Variants in CD1A observed in about 807,000 individuals in gnomAD.
CD1A encodes T-cell surface glycoprotein CD1a.
A neutral mutation model predicts 38.3 loss-of-function variants in CD1A; 50 were observed. The observed-to-expected ratio is 1.30, with a 90% CI of 1.04 to 1.65. The LOEUF (loss-of-function observed/expected upper bound fraction) is 1.65. CD1A is among the 40% of genes most tolerant of loss of function. The pLI is 0.00. For missense variants in CD1A, 459 were observed against 406.1 expected (o/e 1.13, Z -1.12); for synonymous variants, 160 against 150.8 (o/e 1.06, Z -0.45).
intron 3 of CD1A, among the ~76,000 whole-genome samples, chr1:158,256,487 A>C (rs958558226): frequency 4.6e-5 from 7 of 152,116 alleles, no homozygotes; most frequent in African/African-American, 1.7e-4. Flanking sequence ...TGAGCAACAG[A>C]GTGAGACCAG....
upstream of CD1A, among the ~76,000 whole-genome samples, chr1:158,253,858 T>C (rs1650148483): frequency 6.6e-6 from 1 of 152,062 alleles, no homozygotes; most frequent in Non-Finnish European, 1.5e-5. Context: ...TCTCCCTAAG[T>C]AGAGAAAAAG....
At chr1:158,254,978 G>C in intron 1 of CD1A, 106 bp from the exon 2 acceptor site, 3 of 1,150,732 alleles carry the variant, frequency 2.6e-6, no homozygotes, top group Non-Finnish European at 3.8e-6. Context: ...AGATCATGAT[G>C]GATCCCCTTT....
chr1:158,257,172 G>T (rs1468971371), intron 4 of CD1A, 108 bp downstream of exon 4: 2 of 1,349,544 alleles, frequency 1.5e-6, no homozygotes, highest in Non-Finnish European at 2.0e-6. Context: ...GCCCAAACAT[G>T]AATAAAAATA....
chr1:158,254,177 G>C, upstream of CD1A: 1 of 996,366 alleles, frequency 1.0e-6, no homozygotes, highest in Non-Finnish European at 1.2e-6. Flanking sequence ...ATAAATCAAT[G>C]TTAAATCAGA....
At chr1:158,257,166 A>C (rs1056115025) in intron 4 of CD1A, 102 bp downstream of exon 4, 20 of 1,374,356 alleles carry the variant, frequency 1.5e-5, no homozygotes, top group Non-Finnish European at 1.9e-5. Flanking sequence ...ATTATAGCCC[A>C]AACATGAATA....
chr1:158,257,020 T>G lies in CD1A; in HGVS notation c.839T>G (p.Val280Gly), dbSNP rs759825385. ...GAGGCAGCTGACCTGTCCTGTCGGGTGAAGCACAGCAGTCTAGAGGGCCAG... is the reference window on the plus strand; with the variant it reads ...GAGGCAGCTGACCTGTCCTGTCGGGGGAAGCACAGCAGTCTAGAGGGCCAG... The part of the protein sequence containing the change: ...AGEAADLSCR[V>G]KHSSLEGQDI... The change falls in exon 4 of 6, where the codon GTG (valine) becomes GGG (glycine). Residue 280 changes from valine to glycine, a missense_variant. Val to Gly is a moderately radical substitution (Grantham distance 109). Transcript: ENST00000289429. The G allele has an allele frequency of 1.9e-6, 3 of 1,613,848 alleles. No individual in the cohort carries two copies. The African/African-American group carries it at 4.0e-5, about 22-fold the overall frequency.
Position 158,256,855 on chromosome 1 carries a change from T to C in CD1A, c.674T>C (p.Val225Ala). ...GPGHLQLVCHVSGFYPKPVWV... is the reference protein window; with the variant it reads ...GPGHLQLVCHASGFYPKPVWV... Reference sequence around the variant, plus strand: ...GGCCATCTGCAGCTTGTGTGCCATGTCTCAGGATTCTACCCAAAGCCCGTG... The same window carrying C: ...GGCCATCTGCAGCTTGTGTGCCATGCCTCAGGATTCTACCCAAAGCCCGTG... The change falls in exon 4 of 6, where the codon GTC becomes GCC. Residue 225 changes from valine to alanine, a missense_variant. By Grantham distance (64) the Val-to-Ala change is moderately conservative. Transcript: ENST00000289429. 1 of 1,614,232 alleles carries C rather than the reference T, an allele frequency of 6.2e-7. No individual in the cohort carries two copies. Among genetic ancestry groups the C allele is most frequent in the Non-Finnish European group, 8.5e-7 (1 of 1,180,040 alleles).
rs576860595 is a variant in CD1A at position 158,255,909 on chromosome 1, C to T, written c.326-95C>T. 9 of 1,262,814 alleles carry T rather than the reference C, an allele frequency of 7.1e-6. No individual in the cohort carries two copies. In the East Asian group the frequency reaches 1.9e-4, roughly 26 times the overall value. The allele number at this position is 1,262,814 out of a possible 1,614,324, so 78.2% of individuals were successfully genotyped here. On this transcript the variant is annotated intron_variant, in intron 2 of 5. Transcript: ENST00000289429. ...CAAATTTTATTCCATTATGTCAAAC[C>T]CTGCACACTTCCCCCTTCTGCTTCT... is the stretch of plus-strand genomic sequence containing the variant.
chr1:158,256,688 A>G (rs1000052954), intron 3 of CD1A, 98 bp from the exon 4 acceptor site: 16 of 1,414,480 alleles, frequency 1.1e-5, no homozygotes, highest in African/African-American at 2.9e-5. Context: ...AAAAAAAAAA[A>G]AGAGAAATGG....
At position 158,255,143 on chromosome 1, in the gene CD1A, T is replaced by G. The variant is rs761641729; in HGVS notation, c.118T>G (p.Trp40Gly). 1.9e-6 allele frequency: 3 copies of G among 1,614,156 alleles called. No individual in the cohort carries two copies. In the South Asian group the frequency reaches 3.3e-5, roughly 18 times the overall value. The change falls in exon 2 of 6, where the codon TGG becomes GGG. Residue 40 changes from tryptophan (W) to glycine (G), a missense_variant. Coordinates refer to ENST00000289429, the MANE Select transcript of CD1A (RefSeq NM_001763.3). Reference sequence around the variant, plus strand: ...GATCGCATCCTTTTACAACCATTCCTGGAAACAAAATCTGGTCTCAGGTTG... The same window carrying G: ...GATCGCATCCTTTTACAACCATTCCGGGAAACAAAATCTGGTCTCAGGTTG... ...TWIASFYNHSWKQNLVSGWLS... is the reference protein window; with the variant it reads ...TWIASFYNHSGKQNLVSGWLS...
intron 5 of CD1A, 24 bp downstream of exon 5, chr1:158,257,535 C>T: frequency 1.2e-6 from 2 of 1,601,716 alleles, no homozygotes; most frequent in South Asian, 1.1e-5. Flanking sequence ...ATGTGTCTTT[C>T]CTACTCTTAG....
Position 158,257,900 on chromosome 1 carries a change from G to A in CD1A, c.*210G>A. On this transcript the variant is annotated 3_prime_UTR_variant, in exon 6 of 6. Transcript: ENST00000289429. ...TGCAGGATTTGTTGTTCTGACCTGG[G>A]TTCTGGGACTTTTAAATTCAAATTT... The A allele has an allele frequency of 1.8e-6, 1 of 557,640 alleles. No individual in the cohort carries two copies. The highest frequency in any genetic ancestry group is 3.2e-6 in the Non-Finnish European group (1 of 314,184). 34.5% of individuals were successfully genotyped at this position (557,640 alleles called of 1,614,324 possible).
At chr1:158,254,031 GTTTTTTTTTTTTTTTTTTTTT>G (rs760814976), upstream of CD1A, 42 of 53,694 alleles carry the variant, frequency 7.8e-4, no homozygotes, top group Admixed American at 2.2e-3. Context: ...TGTTCCTGTG[GTTTTTTTTTTTTTTTTTTTTT>G]TTTTTTTTTT....
rs764826390 is a variant in CD1A, at chr1:158,256,118, C to T, written c.440C>T (p.Ser147Leu). The T allele has an allele frequency of 2.5e-6, 4 of 1,614,200 alleles. No individual in the cohort carries two copies. ...GSDFVSFQNN[S>L]WLPYPVAGNM... The stretch of plus-strand genomic sequence containing the variant: ...GACTTTGTGAGCTTCCAGAACAATT[C>T]ATGGTTGCCATATCCAGTGGCTGGG... Residue 147 changes from serine (S) to leucine (L), a missense_variant, in exon 3 of 6, where the codon TCA becomes TTA. Physicochemically the swap from Ser to Leu is moderately radical, Grantham distance 145 (BLOSUM62 -2). Coordinates refer to ENST00000289429, the MANE Select transcript of CD1A (RefSeq NM_001763.3).
At chr1:158,257,380 G>C in intron 4 of CD1A, 41 bp from the exon 5 acceptor site, 1 of 1,457,826 alleles carries the variant, frequency 6.9e-7, no homozygotes, top group Non-Finnish European at 9.6e-7. Context: ...AGGTAAAATG[G>C]GATGGATTAT....
rs1650301391 is a variant in CD1A, at chr1:158,257,496, G to A, written c.959G>A (p.Trp320Ter). ...PLLLLIGLALWFRKRCFC is the reference protein window; with the variant it reads ...PLLLLIGLAL ...CTTCTTCTGATAGGTCTTGCGCTTT[G>A]GTTCAGGAAACGCTGGTGAGTTCTT... Residue 320 changes from tryptophan (W) to a stop codon, truncating the protein, a stop_gained, in exon 5 of 6, where the codon TGG becomes TAG. Transcript: ENST00000289429. LOFTEE classifies it high-confidence loss of function. 2.5e-6 allele frequency: 4 copies of A among 1,613,764 alleles called. No homozygotes were observed. Among genetic ancestry groups the A allele is most frequent in the South Asian group, 2.2e-5 (2 of 91,074 alleles).
Position 158,257,519 on chromosome 1 carries a change from C to G in CD1A, c.974+8C>G. 2 of 1,611,030 alleles carry G rather than the reference C, an allele frequency of 1.2e-6. No individual in the cohort carries two copies. The highest frequency in any genetic ancestry group is 1.7e-6 in the Non-Finnish European group (2 of 1,177,192). ...TTGGTTCAGGAAACGCTGGTGAGTT[C>G]TTTGCATGTGTCTTTCCTACTCTTA... On this transcript the variant is annotated splice_region_variant and intron_variant, in intron 5 of 5. Coordinates refer to ENST00000289429, the MANE Select transcript of CD1A (RefSeq NM_001763.3).
chr1:158,254,693 G>A lies in CD1A; in HGVS notation c.24G>A (p.Leu8=), dbSNP rs1355817362. 2 of 1,613,918 alleles carry A rather than the reference G, an allele frequency of 1.2e-6. No homozygotes were observed. Among genetic ancestry groups the A allele is most frequent in the Admixed American group, 1.7e-5 (1 of 59,984 alleles). MLFLLLP[L]LAVLPGDGNA... ...ATATGCTGTTTTTGCTACTTCCATT[G>A]TTAGCTGTTCTCCCAGGTGATGGCA... Residue 8 remains leucine, a synonymous_variant, in exon 1 of 6, where the codon TTG becomes TTA. Transcript: ENST00000289429.
rs1026131166 is a variant in CD1A at position 158,256,088 on chromosome 1, G to T, written c.410G>T (p.Gly137Val). Reference protein sequence around the residue: ...SGSFLQLAYQGSDFVSFQNNS... With the variant: ...SGSFLQLAYQVSDFVSFQNNS... Reference sequence around the variant, plus strand: ...AGCTTCTTGCAGTTAGCTTATCAAGGATCAGACTTTGTGAGCTTCCAGAAC... The same window carrying T: ...AGCTTCTTGCAGTTAGCTTATCAAGTATCAGACTTTGTGAGCTTCCAGAAC... The change falls in exon 3 of 6, where the codon GGA (glycine) becomes GTA (valine). Residue 137 changes from glycine to valine, a missense_variant. Transcript: ENST00000289429. 3.1e-6 allele frequency: 5 copies of T among 1,614,038 alleles called. No homozygotes were observed. The African/African-American group carries it at 6.7e-5, about 22-fold the overall frequency.
Sources: gnomAD v4.1 joint callset for allele counts (sites outside exome capture counted in the v4.1 genomes callset) on GRCh38, gnomAD v4.1.1 for gene constraint, MANE v1.5 for transcripts, NCBI Gene and HGNC (gene_info 2026-07-23, HGNC 2026-07-21) for gene names.